Variants in PLCE1 observed in about 807,000 individuals in gnomAD.
PLCE1 encodes the protein phospholipase C epsilon 1.
PLCE1 carries 119 observed loss-of-function variants against 242.8 expected under a neutral mutation model. That is an observed-to-expected ratio of 0.49 (90% CI 0.42 to 0.57). The LOEUF (loss-of-function observed/expected upper bound fraction) is 0.57, where lower values mean the gene tolerates loss of function less well. Among genes scored for constraint, PLCE1 ranks in the 20% least tolerant of loss-of-function variants. PLCE1 has a pLI of 0.00. For missense variants in PLCE1, 2,441 were observed against 2,788.8 expected, an observed-to-expected ratio of 0.88 and a Z score of 2.81; for synonymous variants, 945 against 1,017.4, an observed-to-expected ratio of 0.93 and a Z score of 1.35.
intron 2 of PLCE1, among the ~76,000 whole-genome samples, chr10:94,070,355 A>C (rs2044316090): frequency 6.6e-6 from 1 of 152,208 alleles, no homozygotes; most frequent in Non-Finnish European, 1.5e-5. Context: ...GTAAATGTTC[A>C]GCATATATGT....
intron 20 of PLCE1, chr10:94,283,419 C>G (rs1232624359): frequency 7.0e-6 from 2 of 287,208 alleles, no homozygotes; most frequent in African/African-American, 4.5e-5. Context: ...TAAATCCTTC[C>G]CAAACGTGTG....
intron 23 of PLCE1, among the ~76,000 whole-genome samples, chr10:94,297,590 TAAAAAAAAAAAAAAAAAA>T (rs71031568): frequency 0.039 from 2,196 of 56,578 alleles, 124 homozygotes; most frequent in African/African-American, 0.11. Flanking sequence ...TTTAAATTTG[TAAAAAAAAAAAAAAAAAA>T]AAAAAAAAAA....
In PLCE1 at chr10:94,051,150, T is replaced by A. The variant is rs543767083; in HGVS notation, c.1206+18898T>A. 2.0e-5 allele frequency among the ~76,000 whole-genome samples: 3 copies of A among 152,148 alleles called. No individual in the cohort carries two copies. In the East Asian group the frequency reaches 5.8e-4, roughly 29 times the overall value. On this transcript the variant is annotated intron_variant, in intron 2 of 32. Coordinates refer to ENST00000371380, the MANE Select transcript of PLCE1 (RefSeq NM_016341.4). ...CATGTGACTTAGTAGTGGTTTGAAGTGCATCATTTTCTTACCAATGGGACA... is the reference window on the plus strand; with the variant it reads ...CATGTGACTTAGTAGTGGTTTGAAGAGCATCATTTTCTTACCAATGGGACA...
Position 94,235,989 on chromosome 10 carries a change from G to A in PLCE1, c.2289G>A (p.Lys763=). Residue 763 remains lysine, a synonymous_variant, in exon 7 of 33, where the codon AAG becomes AAA. Transcript: ENST00000371380. ...AAAATGGCTTAAAGAATTCGGAGAA[G>A]GAGTCCACTGTCAACAGCATCTTTC... ...VGQNGLKNSE[K]ESTVNSIFQV... 6.2e-7 allele frequency: 1 copy of A among 1,614,010 alleles called. No homozygotes were observed.
chr10:94,035,417 C>T (rs967721417), intron 2 of PLCE1, among the ~76,000 whole-genome samples: 2 of 152,128 alleles, frequency 1.3e-5, no homozygotes, highest in African/African-American at 4.8e-5. Flanking sequence ...TGCCCTTGTT[C>T]ATCAAAGGCC....
chr10:94,238,761 T>A (rs2050406438), intron 7 of PLCE1, among the ~76,000 whole-genome samples: 1 of 151,928 alleles, frequency 6.6e-6, no homozygotes, highest in Admixed American at 6.6e-5. Flanking sequence ...TAGAGAAGAG[T>A]ATAGAGTCAT....
rs752789408 is a variant in PLCE1, at chr10:94,308,684, C to T, written c.5988C>T (p.Thr1996=). The T allele has an allele frequency of 7.5e-6, 12 of 1,591,206 alleles. No homozygotes were observed. In the Admixed American group the frequency reaches 1.8e-4, roughly 24 times the overall value. The change falls in exon 27 of 33, where the codon ACC becomes ACT. Residue 1996 remains threonine, a synonymous_variant. Coordinates refer to ENST00000371380, the MANE Select transcript of PLCE1 (RefSeq NM_016341.4). The stretch of plus-strand genomic sequence containing the variant: ...TGGAAGAAAATTCCTCTGGCAATAC[C>T]ATGTCAGCCTCTTCGGTAATGAAGT... ...RRMEENSSGN[T]MSASSMFNTE...
chr10:94,083,621 T>G (rs980752688), intron 2 of PLCE1, among the ~76,000 whole-genome samples: 27 of 152,216 alleles, frequency 1.8e-4, no homozygotes, highest in African/African-American at 6.3e-4. Context: ...TTTCCTCTGA[T>G]TTGCTAGAAG....
At chr10:94,299,406 A>C (rs533235590) in intron 24 of PLCE1, among the ~76,000 whole-genome samples, 9 of 152,346 alleles carry the variant, frequency 5.9e-5, no homozygotes, top group African/African-American at 2.2e-4. Flanking sequence ...AAATTGGTTA[A>C]TTTGTTCAAG....
chr10:94,219,148 C>T (rs955524800), intron 4 of PLCE1, among the ~76,000 whole-genome samples: 3 of 151,854 alleles, frequency 2.0e-5, no homozygotes, highest in Non-Finnish European at 4.4e-5. Context: ...TGTTTACTAG[C>T]GCCCAGCACA....
intron 2 of PLCE1, among the ~76,000 whole-genome samples, chr10:94,035,697 C>T (rs930045101): frequency 6.6e-6 from 1 of 152,116 alleles, no homozygotes; most frequent in African/African-American, 2.4e-5. Flanking sequence ...TCAAACCACA[C>T]CATATCAGCA....
chr10:94,071,495 G>GTTTTTTTTTTTTTTTGTTGTTTTTTTTT (rs2044353719), intron 2 of PLCE1, among the ~76,000 whole-genome samples: 1 of 83,316 alleles, frequency 1.2e-5, no homozygotes, highest in African/African-American at 5.4e-5. Context: ...TTTGGTTTTC[G>GTTTTTTTTTTTTTTTGTTGTTTTTTTTT]TTTTTTTTTT....
At chr10:94,165,486 A>G (rs1300690344) in intron 3 of PLCE1, among the ~76,000 whole-genome samples, 2 of 152,096 alleles carry the variant, frequency 1.3e-5, no homozygotes, top group South Asian at 2.1e-4. Flanking sequence ...TGCAGAAATC[A>G]TTCATCTTCT....
intron 8 of PLCE1, among the ~76,000 whole-genome samples, chr10:94,251,433 A>C (rs879637976): frequency 6.6e-6 from 1 of 152,252 alleles, no homozygotes; most frequent in Non-Finnish European, 1.5e-5. Context: ...TTGGAACTGC[A>C]AAGGAGAGCC....
At chr10:94,209,473 C>T (rs2049265850) in intron 4 of PLCE1, among the ~76,000 whole-genome samples, 1 of 152,190 alleles carries the variant, frequency 6.6e-6, no homozygotes, top group Non-Finnish European at 1.5e-5. Context: ...TTCATCAACT[C>T]ATAGCAAAAC....
At chr10:94,302,370 C>T (rs751928799) in intron 24 of PLCE1, among the ~76,000 whole-genome samples, 3 of 152,014 alleles carry the variant, frequency 2.0e-5, no homozygotes, top group African/African-American at 4.8e-5. Context: ...ATATGTACCC[C>T]GGAACTTAAA....
At chr10:94,310,879 C>A (rs1212475520) in intron 27 of PLCE1, among the ~76,000 whole-genome samples, 10 of 152,312 alleles carry the variant, frequency 6.6e-5, no homozygotes, top group African/African-American at 2.2e-4. Context: ...CACAAGACTA[C>A]TCCTACTTCA....
In PLCE1 at chr10:94,236,056, G is replaced by A. The variant is rs1002583376; in HGVS notation, c.2356G>A (p.Glu786Lys). ...CAATCGAAGTCTGGAGACAGACGAG[G>A]AGGACAGCCCCAGTGAAGGAAACAG... ...SCNRSLETDE[E>K]DSPSEGNSSR... The change falls in exon 7 of 33, where the codon GAG becomes AAG. Residue 786 changes from glutamate (E) to lysine (K), a missense_variant. Coordinates refer to ENST00000371380, the MANE Select transcript of PLCE1 (RefSeq NM_016341.4). 5 of 1,613,960 alleles carry A rather than the reference G, an allele frequency of 3.1e-6. No individual in the cohort carries two copies. Among genetic ancestry groups the A allele is most frequent in the Non-Finnish European group, 4.2e-6 (5 of 1,180,014 alleles).
intron 4 of PLCE1, among the ~76,000 whole-genome samples, chr10:94,201,166 G>A (rs151153432): frequency 3.3e-5 from 5 of 152,142 alleles, no homozygotes; most frequent in Admixed American, 3.3e-4. Context: ...GGGGACTTGG[G>A]TGCCAGGATT....
Sources: gnomAD v4.1 joint callset for allele counts (sites outside exome capture counted in the v4.1 genomes callset) on GRCh38, gnomAD v4.1.1 for gene constraint, MANE v1.5 for transcripts, NCBI Gene and HGNC (gene_info 2026-07-23, HGNC 2026-07-21) for gene names.